MAP3K20: variants seen among roughly 807,000 people sequenced by gnomAD.
The protein encoded by MAP3K20 is mitogen-activated protein kinase kinase kinase 20.
A neutral mutation model predicts 85.7 loss-of-function variants in MAP3K20; 40 were observed. The ratio of observed to expected loss-of-function variants is 0.47; its 90% CI spans 0.36 to 0.61. The LOEUF is 0.61. Among genes scored for constraint, MAP3K20 ranks in the 20% least tolerant of loss-of-function variants. MAP3K20 has a pLI of 0.00. For synonymous variants in MAP3K20, 325 were observed against 327.7 expected, an observed-to-expected ratio of 0.99 and a Z score of 0.09; for missense variants, 817 against 961.7, an observed-to-expected ratio of 0.85 and a Z score of 1.99.
At chr2:173,227,622 C>T (rs1236673338) in intron 11 of MAP3K20, among the ~76,000 whole-genome samples, 1 of 152,196 alleles carries the variant, frequency 6.6e-6, no homozygotes, top group Non-Finnish European at 1.5e-5. Flanking sequence ...GTGCAACCAA[C>T]CCCCTCTCCT....
intron 2 of MAP3K20, chr2:173,166,758 T>C (rs760729873): frequency 6.6e-6 from 1 of 152,222 alleles, no homozygotes; most frequent in Non-Finnish European, 1.5e-5. Flanking sequence ...TGTTTTCCTT[T>C]TAACAGTGAA....
rs374584540 is a variant in MAP3K20 at position 173,235,904 on chromosome 2, G to A, written c.1204-2469G>A. Among the ~76,000 whole-genome samples, 7 of 152,264 alleles carry A rather than the reference G, an allele frequency of 4.6e-5. No homozygotes were observed. The East Asian group carries it at 1.4e-3, about 29-fold the overall frequency. Reference sequence around the variant, plus strand: ...ACAGGAATATCTGTCCACAAAGTAGGAAATGAGGAGAGAATGCTGTTACAA... The same window carrying A: ...ACAGGAATATCTGTCCACAAAGTAGAAAATGAGGAGAGAATGCTGTTACAA... On this transcript the variant is annotated intron_variant, in intron 14 of 19. Transcript: ENST00000375213.
chr2:173,252,829 C>T (rs78766141), intron 16 of MAP3K20, among the ~76,000 whole-genome samples: 12,289 of 152,176 alleles, frequency 0.081, 685 homozygotes, highest in African/African-American at 0.15. Flanking sequence ...TCTCTGGCTG[C>T]CAATCATACA....
intron 16 of MAP3K20, among the ~76,000 whole-genome samples, chr2:173,256,480 AATAGATAGATAGATAGATAG>A (rs56269594): frequency 0.67 from 99,298 of 149,216 alleles, 35,084 homozygotes; most frequent in Non-Finnish European, 0.8. Context: ...AATTTAAAAA[AATAGATAGATAGATAGATAG>A]ATAGATAGAT....
intron 1 of MAP3K20, among the ~76,000 whole-genome samples, chr2:173,084,045 C>T (rs1057331884): frequency 6.6e-6 from 1 of 152,068 alleles, no homozygotes; most frequent in African/African-American, 2.4e-5. Flanking sequence ...AGAGAAAGTT[C>T]AAAGACCTTT....
At chr2:173,246,991 C>G (rs776748803) in intron 16 of MAP3K20, among the ~76,000 whole-genome samples, 2 of 152,140 alleles carry the variant, frequency 1.3e-5, no homozygotes, top group Non-Finnish European at 2.9e-5. Flanking sequence ...ATGAGAGGAA[C>G]CTTTGGAAGA....
intron 2 of MAP3K20, among the ~76,000 whole-genome samples, chr2:173,125,953 C>T (rs567443927): frequency 3.3e-5 from 5 of 152,240 alleles, no homozygotes; most frequent in Admixed American, 6.5e-5. Flanking sequence ...TGAACCACTG[C>T]GCCTGGCCCC....
intron 1 of MAP3K20, among the ~76,000 whole-genome samples, chr2:173,078,181 G>GT (rs1391210261): frequency 6.6e-6 from 1 of 151,462 alleles, no homozygotes; most frequent in Non-Finnish European, 1.5e-5. Context: ...AGAATCAGTG[G>GT]TTTTTTTGTT....
intron 3 of MAP3K20, among the ~76,000 whole-genome samples, chr2:173,177,216 T>A (rs948403242): frequency 6.6e-6 from 1 of 152,182 alleles, no homozygotes. Context: ...AAAGAATACA[T>A]ATTTTTTCAA....
chr2:173,206,701 T>C (rs1161517934), intron 9 of MAP3K20, among the ~76,000 whole-genome samples: 1 of 152,198 alleles, frequency 6.6e-6, no homozygotes, highest in Non-Finnish European at 1.5e-5. Flanking sequence ...ATTTTCTTCC[T>C]AGATGGACGG....
chr2:173,114,441 CT>C (rs1688060827), intron 2 of MAP3K20, among the ~76,000 whole-genome samples: 1 of 151,992 alleles, frequency 6.6e-6, no homozygotes, highest in Non-Finnish European at 1.5e-5. Flanking sequence ...CCTTTGTTGC[CT>C]GTGTACTTTG....
At chr2:173,168,401 A>G (rs948132515) in intron 2 of MAP3K20, among the ~76,000 whole-genome samples, 41 of 152,326 alleles carry the variant, frequency 2.7e-4, no homozygotes, top group African/African-American at 8.9e-4. Context: ...GATATTCTTT[A>G]TCTCAATTTC....
At chr2:173,259,325 ATGGTGGAAGCATGT>A (rs1200594810) in intron 17 of MAP3K20, among the ~76,000 whole-genome samples, 28 of 152,312 alleles carry the variant, frequency 1.8e-4, no homozygotes, top group African/African-American at 5.8e-4. Context: ...TCCAGGGTCA[ATGGTGGAAGCATGT>A]TGATGGAAGC....
chr2:173,099,449 G>A (rs959874562), intron 2 of MAP3K20, among the ~76,000 whole-genome samples: 3 of 151,658 alleles, frequency 2.0e-5, no homozygotes, highest in African/African-American at 7.3e-5. Context: ...TCTCCCAAGT[G>A]GCTGAGATTA....
At position 173,217,131 on chromosome 2, in the gene MAP3K20, A is replaced by G; in HGVS notation, c.868A>G (p.Thr290Ala). The G allele has an allele frequency of 6.4e-7, 1 of 1,570,422 alleles. No homozygotes were observed. The highest frequency in any genetic ancestry group is 8.6e-7 in the Non-Finnish European group (1 of 1,157,946). Residue 290 changes from threonine to alanine, a missense_variant, in exon 11 of 20, where the codon ACT becomes GCT. By Grantham distance (58) the Thr-to-Ala change is moderately conservative. Coordinates refer to ENST00000375213, the MANE Select transcript of MAP3K20 (RefSeq NM_016653.3). ...CCCGTGCAGGTGCGAAATTGAGGCA[A>G]CTCTTGAGAGGCTAAAGAAACTAGA... ...KAEWRCEIEA[T>A]LERLKKLERD...
chr2:173,122,916 T>C (rs921199027), intron 2 of MAP3K20, among the ~76,000 whole-genome samples: 9 of 152,180 alleles, frequency 5.9e-5, no homozygotes, highest in Admixed American at 3.9e-4. Flanking sequence ...AGTCGTGACA[T>C]CTCCTGCGGT....
intron 2 of MAP3K20, among the ~76,000 whole-genome samples, chr2:173,103,617 C>A (rs188787479): frequency 2.0e-3 from 299 of 152,310 alleles, no homozygotes; most frequent in Non-Finnish European, 1.7e-3. Flanking sequence ...ATTAACATTT[C>A]TTTAGTTTCT....
intron 2 of MAP3K20, among the ~76,000 whole-genome samples, chr2:173,130,750 G>A (rs867158672): frequency 1.3e-5 from 2 of 152,184 alleles, no homozygotes; most frequent in Admixed American, 6.5e-5. Context: ...CAGACTTTGC[G>A]ATTCTGTTCT....
intron 2 of MAP3K20, among the ~76,000 whole-genome samples, chr2:173,093,083 TA>T (rs1489882893): frequency 6.6e-6 from 1 of 152,210 alleles, no homozygotes; most frequent in Non-Finnish European, 1.5e-5. Flanking sequence ...AAAGAACCCC[TA>T]TTTGTACTGG....
Sources: gnomAD v4.1 joint callset for allele counts (sites outside exome capture counted in the v4.1 genomes callset) on GRCh38, gnomAD v4.1.1 for gene constraint, MANE v1.5 for transcripts, NCBI Gene and HGNC (gene_info 2026-07-23, HGNC 2026-07-21) for gene names.